HEATR5B: variants seen among roughly 807,000 people sequenced by gnomAD.
HEATR5B encodes HEAT repeat-containing protein 5B.
HEATR5B carries 156 observed loss-of-function variants against 224.1 expected under a neutral mutation model. That is an observed-to-expected ratio of 0.70 (90% CI 0.61 to 0.80). HEATR5B has a LOEUF of 0.80. Ranked by LOEUF, HEATR5B falls within the 30% of genes least tolerant of loss-of-function variation. HEATR5B has a pLI of 0.00. For missense variants in HEATR5B, 2,323 were observed against 2,535.5 expected (o/e 0.92, Z 1.80); for synonymous variants, 1,027 against 893.0 (o/e 1.15, Z -2.68).
chr2:37,074,841 G>C (rs758393415), intron 5 of HEATR5B, among the ~76,000 whole-genome samples: 23 of 152,266 alleles, frequency 1.5e-4, no homozygotes, highest in Non-Finnish European at 2.6e-4. Flanking sequence ...GCCACAATGA[G>C]ATACCATTGA....
intron 18 of HEATR5B, among the ~76,000 whole-genome samples, chr2:37,049,240 T>C (rs765378642): frequency 3.3e-5 from 5 of 152,156 alleles, no homozygotes; most frequent in Non-Finnish European, 1.5e-5. Flanking sequence ...ATTTAAGAGA[T>C]AAACTTGGCA....
At chr2:36,983,360 T>A (rs1393311733) in intron 35 of HEATR5B, among the ~76,000 whole-genome samples, 1 of 126,724 alleles carries the variant, frequency 7.9e-6, no homozygotes, top group African/African-American at 3.2e-5. Flanking sequence ...AAACCCTATC[T>A]CTACTAAAAA....
At chr2:37,041,001 T>C (rs1276672500) in intron 19 of HEATR5B, 132 bp downstream of exon 19, 3 of 662,962 alleles carry the variant, frequency 4.5e-6, no homozygotes, top group Non-Finnish European at 7.6e-6. Context: ...AATCTTGCTA[T>C]GTACTATTAC....
In HEATR5B at chr2:37,019,847, G is replaced by A; in HGVS notation, c.4066C>T (p.Gln1356Ter). The change falls in exon 26 of 36, where the codon CAA becomes TAA. Residue 1356 changes from glutamine to a stop codon, truncating the protein, a stop_gained. Coordinates refer to ENST00000233099, the MANE Select transcript of HEATR5B (RefSeq NM_019024.3). LOFTEE classifies it high-confidence loss of function. ...GCTATTATATCTGATGGTGTATCTTGTGAAAAGGCTGGTCTTAGAGCAGCT... is the reference window on the plus strand; with the variant it reads ...GCTATTATATCTGATGGTGTATCTTATGAAAAGGCTGGTCTTAGAGCAGCT... The part of the protein sequence containing the change: ...VGAALRPAFS[Q>*]DTPSDIIAKA... The A allele has an allele frequency of 6.2e-7, 1 of 1,610,552 alleles. No individual in the cohort carries two copies. Among genetic ancestry groups the A allele is most frequent in the Non-Finnish European group, 8.5e-7 (1 of 1,178,410 alleles).
At chr2:37,057,628 TG>T in intron 14 of HEATR5B, 148 bp from the exon 15 acceptor site, 1 of 553,108 alleles carries the variant, frequency 1.8e-6, no homozygotes. Context: ...ATTTAAATGC[TG>T]GTTTTAATAT....
rs751590015 is a variant in HEATR5B, at chr2:37,027,836, T to C, written c.3853+87A>G. On this transcript the variant is annotated intron_variant, in intron 24 of 35. Coordinates refer to ENST00000233099, the MANE Select transcript of HEATR5B (RefSeq NM_019024.3). ...AAATGGCATATTCTAAAGCACGCTATATCTGTCGCAGTAAAATATCTCATA... is the reference window on the plus strand; with the variant it reads ...AAATGGCATATTCTAAAGCACGCTACATCTGTCGCAGTAAAATATCTCATA... 428 of 1,351,412 alleles carry C rather than the reference T, an allele frequency of 3.2e-4. 4 individuals carry two copies. Among genetic ancestry groups the C allele is most frequent in the South Asian group, 1.6e-3 (128 of 77,604 alleles). 83.7% of individuals were successfully genotyped at this position (1,351,412 alleles called of 1,614,324 possible).
At position 37,077,031 on chromosome 2, in the gene HEATR5B, G is replaced by T; in HGVS notation, c.339-12C>A. 6.3e-7 allele frequency: 1 copy of T among 1,582,824 alleles called. No individual in the cohort carries two copies. Among genetic ancestry groups the T allele is most frequent in the Non-Finnish European group, 8.7e-7 (1 of 1,152,530 alleles). ...AAGCCACCGCAGCCCTGTAAGAAGT[G>T]ACAACTTCACTAGTCATTGTCCAGG... On this transcript the variant is annotated splice_polypyrimidine_tract_variant and intron_variant, in intron 3 of 35. Coordinates refer to ENST00000233099, the MANE Select transcript of HEATR5B (RefSeq NM_019024.3).
intron 24 of HEATR5B, among the ~76,000 whole-genome samples, chr2:37,025,626 A>G (rs551449994): frequency 2.6e-5 from 4 of 152,190 alleles, no homozygotes; most frequent in African/African-American, 7.2e-5. Flanking sequence ...AGCAGACTTA[A>G]GATTACTAAT....
rs1186113342 is a variant in HEATR5B, at chr2:37,002,224, A to G, written c.5317+82T>C. 6 of 1,475,482 alleles carry G rather than the reference A, an allele frequency of 4.1e-6. No homozygotes were observed. The Admixed American group carries it at 5.2e-5, about 13-fold the overall frequency. 91.4% of individuals were successfully genotyped at this position (1,475,482 alleles called of 1,614,324 possible). On this transcript the variant is annotated intron_variant, in intron 32 of 35. Transcript: ENST00000233099. Reference sequence around the variant, plus strand: ...TTGAGATTTAAGAGGAAACTGGGTTATAACAGTGCTTAAAATCAAAGGCAA... The same window carrying G: ...TTGAGATTTAAGAGGAAACTGGGTTGTAACAGTGCTTAAAATCAAAGGCAA...
intron 33 of HEATR5B, among the ~76,000 whole-genome samples, chr2:36,994,532 T>C (rs1279673417): frequency 1.3e-5 from 2 of 152,192 alleles, no homozygotes; most frequent in African/African-American, 4.8e-5. Flanking sequence ...AATATGCCTG[T>C]GGCTTTGATC....
intron 8 of HEATR5B, among the ~76,000 whole-genome samples, chr2:37,067,818 G>GC (rs1284661821): frequency 6.6e-6 from 1 of 151,906 alleles, no homozygotes; most frequent in Non-Finnish European, 1.5e-5. Flanking sequence ...TACTAAGTAA[G>GC]CCATTATAAA....
chr2:37,014,678 T>A (rs1365335332), intron 26 of HEATR5B, among the ~76,000 whole-genome samples: 3 of 150,030 alleles, frequency 2.0e-5, no homozygotes, highest in Non-Finnish European at 1.5e-5. Flanking sequence ...AAAGGGGACT[T>A]TAAAAAAAAA....
intron 35 of HEATR5B, among the ~76,000 whole-genome samples, chr2:36,984,237 TAA>T (rs1553411544): frequency 8.9e-6 from 1 of 112,048 alleles, no homozygotes; most frequent in African/African-American, 3.2e-5. Context: ...TATATATATA[TAA>T]AACTGGAAAA....
intron 35 of HEATR5B, among the ~76,000 whole-genome samples, chr2:36,987,872 G>T (rs567546869): frequency 6.6e-6 from 1 of 152,012 alleles, no homozygotes; most frequent in South Asian, 2.1e-4. Context: ...AGGAGTCAGA[G>T]ACCAACCTGG....
intron 24 of HEATR5B, among the ~76,000 whole-genome samples, chr2:37,021,313 C>T (rs930719072): frequency 2.0e-5 from 3 of 152,172 alleles, no homozygotes; most frequent in African/African-American, 7.2e-5. Context: ...GTCATTGCCT[C>T]ATTTTAAGCC....
intron 18 of HEATR5B, among the ~76,000 whole-genome samples, chr2:37,046,830 A>C (rs1351539289): frequency 3.3e-5 from 5 of 151,406 alleles, no homozygotes; most frequent in African/African-American, 1.2e-4. Flanking sequence ...CAGGTTGATC[A>C]CCTAAGGTCA....
chr2:37,005,416 C>T (rs933955997), intron 30 of HEATR5B, among the ~76,000 whole-genome samples: 1 of 152,158 alleles, frequency 6.6e-6, no homozygotes, highest in Non-Finnish European at 1.5e-5. Flanking sequence ...AATTCAGGCA[C>T]AGTGAAACTG....
Position 37,068,677 on chromosome 2 carries a change from T to C in HEATR5B, c.1177+4A>G. On this transcript the variant is annotated splice_donor_region_variant and intron_variant, in intron 8 of 35. Transcript: ENST00000233099. ...TCAACACACATAATGATACTGATTC[T>C]TACCTACGGCTTTCATTTGTTTTCC... 6.2e-7 allele frequency: 1 copy of C among 1,613,910 alleles called. No homozygotes were observed. The highest frequency in any genetic ancestry group is 1.1e-5 in the South Asian group (1 of 91,060).
intron 4 of HEATR5B, 102 bp downstream of exon 4, chr2:37,076,809 A>T (rs1672264329): frequency 5.0e-6 from 4 of 805,240 alleles, no homozygotes. Flanking sequence ...CTTGCTAAGC[A>T]ATATGAGACC....
Sources: gnomAD v4.1 joint callset for allele counts (sites outside exome capture counted in the v4.1 genomes callset) on GRCh38, gnomAD v4.1.1 for gene constraint, MANE v1.5 for transcripts, NCBI Gene and HGNC (gene_info 2026-07-23, HGNC 2026-07-21) for gene names.